DNAH5: variants seen among roughly 807,000 people sequenced by gnomAD.
The protein encoded by DNAH5 is dynein axonemal heavy chain 5, also known as axonemal beta dynein heavy chain 5.
Under a neutral mutation model 518.2 loss-of-function variants are expected in DNAH5, and 372 were observed. That is an observed-to-expected ratio of 0.72 (90% CI 0.66 to 0.78). DNAH5 has a LOEUF of 0.78. Ranked by LOEUF, DNAH5 falls within the 30% of genes least tolerant of loss-of-function variation. DNAH5 has a pLI of 0.00. For synonymous variants in DNAH5, 2,039 were observed against 2,025.9 expected (o/e 1.01, Z -0.17); for missense variants, 5,523 against 5,687.0 (o/e 0.97, Z 0.93).
At chr5:13,740,823 C>T (rs552883593) in intron 65 of DNAH5, among the ~76,000 whole-genome samples, 4 of 152,124 alleles carry the variant, frequency 2.6e-5, no homozygotes, top group African/African-American at 4.8e-5. Flanking sequence ...AAATGCTAGC[C>T]CACCAGCTGA....
At chr5:13,779,559 C>G (rs1415975716) in intron 53 of DNAH5, among the ~76,000 whole-genome samples, 1 of 152,236 alleles carries the variant, frequency 6.6e-6, no homozygotes, top group African/African-American at 2.4e-5. Flanking sequence ...ACTTCCCAAA[C>G]TGGTCTCCTG....
chr5:13,824,357 G>C (rs1210391078), intron 38 of DNAH5, 24 bp from the exon 39 acceptor site: 1 of 1,612,764 alleles, frequency 6.2e-7, no homozygotes, highest in South Asian at 1.1e-5. Flanking sequence ...GATACATTGG[G>C]CTTATTTTCA....
At chr5:13,782,704 C>T (rs936376710) in intron 52 of DNAH5, among the ~76,000 whole-genome samples, 9 of 152,192 alleles carry the variant, frequency 5.9e-5, no homozygotes, top group African/African-American at 2.2e-4. Context: ...CATCCCAAAA[C>T]CTTTACTTGG....
At chr5:13,996,712 C>T (rs1324298022) in intron 1 of DNAH5, among the ~76,000 whole-genome samples, 1 of 152,262 alleles carries the variant, frequency 6.6e-6, no homozygotes, top group Non-Finnish European at 1.5e-5. Flanking sequence ...TTCTGGACAG[C>T]CTGGCCCCAT....
At chr5:13,790,310 G>T (rs1168167396) in intron 50 of DNAH5, among the ~76,000 whole-genome samples, 1 of 152,180 alleles carries the variant, frequency 6.6e-6, no homozygotes, top group African/African-American at 2.4e-5. Context: ...ATGCTCATCA[G>T]TGGCAGATTG....
rs1561408187 is a variant in DNAH5, at chr5:13,842,492, A to AGAAC, written c.5272-589_5272-588insGTTC. Among the ~76,000 whole-genome samples the AGAAC allele has an allele frequency of 2.2e-3, 195 of 90,258 alleles. 36 individuals are homozygous for AGAAC. The highest frequency in any genetic ancestry group is 5.5e-3 in the East Asian group (14 of 2,564). 59.2% of individuals were successfully genotyped at this position (90,258 alleles called of 152,430 possible). A position where few individuals can be genotyped will look rare whatever the true frequency, so the allele number is the denominator to read the frequency against. ...GAAAGAAAGAAAGAAAGAGAAAGAA[A>AGAAC]AGAAAGAAAGAAAGAAAAAGAAAGA... On this transcript the variant is annotated intron_variant, in intron 32 of 78. Transcript: ENST00000265104.
At chr5:13,904,714 C>T (rs987276086) in intron 12 of DNAH5, among the ~76,000 whole-genome samples, 1 of 152,010 alleles carries the variant, frequency 6.6e-6, no homozygotes, top group African/African-American at 2.4e-5. Flanking sequence ...AGTTTGAAAC[C>T]AGCCTGGGCA....
chr5:13,799,458 AC>A (rs1286131057), intron 47 of DNAH5, among the ~76,000 whole-genome samples: 1 of 152,108 alleles, frequency 6.6e-6, no homozygotes, highest in Non-Finnish European at 1.5e-5. Flanking sequence ...CTCCACTGTA[AC>A]CCTAATTTTT....
intron 31 of DNAH5, among the ~76,000 whole-genome samples, chr5:13,847,191 G>A (rs141316259): frequency 7.9e-4 from 120 of 152,152 alleles, no homozygotes; most frequent in African/African-American, 2.5e-3. Flanking sequence ...GCTGATCCTC[G>A]ACAGCTTGGG....
At position 13,792,977 on chromosome 5, in the gene DNAH5, T is replaced by C. The variant is rs140856408; in HGVS notation, c.8224+538A>G. On this transcript the variant is annotated intron_variant, in intron 49 of 78. Transcript: ENST00000265104. Reference sequence around the variant, plus strand: ...TCGGGTAGGCATATATGCTTACTTATTTGGCTAGTGATTGTTCGACTAAAT... The same window carrying C: ...TCGGGTAGGCATATATGCTTACTTACTTGGCTAGTGATTGTTCGACTAAAT... Among the ~76,000 whole-genome samples, 111 of 152,350 alleles carry C rather than the reference T, an allele frequency of 7.3e-4. 1 individual carries two copies. The East Asian group carries it at 0.016, about 22-fold the overall frequency.
At chr5:13,779,035 G>A (rs1754688224) in intron 53 of DNAH5, among the ~76,000 whole-genome samples, 1 of 152,202 alleles carries the variant, frequency 6.6e-6, no homozygotes, top group African/African-American at 2.4e-5. Context: ...TGTTGGGCAA[G>A]CCATAGCCTC....
intron 60 of DNAH5, among the ~76,000 whole-genome samples, chr5:13,759,992 G>T (rs1751561462): frequency 6.6e-6 from 1 of 152,164 alleles, no homozygotes; most frequent in African/African-American, 2.4e-5. Flanking sequence ...TAGATCCAGT[G>T]ATGGGCAAAA....
chr5:13,937,813 T>G (rs1389421505), intron 1 of DNAH5, among the ~76,000 whole-genome samples: 1 of 152,164 alleles, frequency 6.6e-6, no homozygotes, highest in East Asian at 1.9e-4. Flanking sequence ...TTGTTTGACT[T>G]GAGCATTTTG....
At position 13,876,687 on chromosome 5, in the gene DNAH5, T is replaced by A; in HGVS notation, c.3393A>T (p.Lys1131Asn). ...SVLSTIINSTKKEVITSMDCF... is the reference protein window; with the variant it reads ...SVLSTIINSTNKEVITSMDCF... Reference sequence around the variant, plus strand: ...CTGCCAGACCCTCTTGACATACCTTTTTGGTGGAGTTGATAATTGTGCTAA... The same window carrying A: ...CTGCCAGACCCTCTTGACATACCTTATTGGTGGAGTTGATAATTGTGCTAA... Residue 1131 changes from lysine to asparagine, a missense_variant, in exon 22 of 79, where the codon AAA (lysine) becomes AAT (asparagine). Lys to Asn is a moderately conservative substitution (Grantham distance 94). This residue lies in a region of DNAH5 where 5,121 missense variants were observed against 5,223.3 expected (regional missense o/e 0.98). Coordinates refer to ENST00000265104, the MANE Select transcript of DNAH5 (RefSeq NM_001369.3). 1 of 1,613,444 alleles carries A rather than the reference T, an allele frequency of 6.2e-7. No homozygotes were observed. The highest frequency in any genetic ancestry group is 8.5e-7 in the Non-Finnish European group (1 of 1,179,674).
rs556937655 is a variant in DNAH5, at chr5:13,800,305, A to T, written c.7888-6247T>A. Among the ~76,000 whole-genome samples the T allele has an allele frequency of 3.3e-5, 5 of 152,300 alleles. No homozygotes were observed. The South Asian group carries it at 1.0e-3, about 32-fold the overall frequency. On this transcript the variant is annotated intron_variant, in intron 47 of 78. Coordinates refer to ENST00000265104, the MANE Select transcript of DNAH5 (RefSeq NM_001369.3). Reference sequence around the variant, plus strand: ...AGCTATCCATTTGGGGCTGTTCGAAAAAACTGTATACTTGGACATCTGATC... The same window carrying T: ...AGCTATCCATTTGGGGCTGTTCGAATAAACTGTATACTTGGACATCTGATC...
In DNAH5 at chr5:13,727,594, A is replaced by C. The variant is rs1329958607; in HGVS notation, c.11946T>G (p.Pro3982=). ...GAGATTTATCATAGGCATTTGGAAG[A>C]GGTTCCTCCTCCGGGTTTTCCTTAT... ...WFDKENPEEE[P]LPNAYDKSLD... The change falls in exon 70 of 79, where the codon CCT becomes CCG. Residue 3982 remains proline (P), a synonymous_variant. Coordinates refer to ENST00000265104, the MANE Select transcript of DNAH5 (RefSeq NM_001369.3). The C allele has an allele frequency of 1.2e-6, 2 of 1,613,796 alleles. No individual in the cohort carries two copies. The highest frequency in any genetic ancestry group is 2.7e-5 in the African/African-American group (2 of 74,926).
chr5:13,880,137 G>A (rs973902412), intron 21 of DNAH5, among the ~76,000 whole-genome samples: 3 of 152,144 alleles, frequency 2.0e-5, no homozygotes, highest in African/African-American at 7.2e-5. Context: ...GGTTAGAAAG[G>A]AGTGAAGTGA....
At chr5:13,818,795 T>C (rs1176529569) in intron 41 of DNAH5, among the ~76,000 whole-genome samples, 3 of 152,242 alleles carry the variant, frequency 2.0e-5, no homozygotes, top group Middle Eastern at 3.2e-3. Flanking sequence ...CTTGATGAGA[T>C]ATATGCTGAA....
At chr5:13,837,965 G>A (rs961675188) in intron 35 of DNAH5, among the ~76,000 whole-genome samples, 2 of 151,992 alleles carry the variant, frequency 1.3e-5, no homozygotes, top group Non-Finnish European at 2.9e-5. Flanking sequence ...CTCCCAAAGC[G>A]CTGGGATTAC....
Sources: allele counts gnomAD v4.1 joint callset (sites outside exome capture counted in the v4.1 genomes callset), GRCh38; gene constraint gnomAD v4.1.1; regional missense constraint gnomAD v4.1.1; transcripts MANE v1.5; gene names NCBI Gene and HGNC (gene_info 2026-07-23, HGNC 2026-07-21).